APLF: variants seen among roughly 807,000 people sequenced by gnomAD.
APLF encodes aprataxin and PNK-like factor.
In APLF, 61 loss-of-function variants were observed where a neutral mutation model predicts 55.6. That is an observed-to-expected ratio of 1.10 (90% confidence interval 0.89 to 1.36). The LOEUF is 1.36. APLF is among the 40% of genes most tolerant of loss of function. The pLI is 0.00. For missense variants in APLF, 611 were observed against 602.5 expected (o/e 1.01, Z -0.15); for synonymous variants, 207 against 214.8 (o/e 0.96, Z 0.32).
chr2:68,566,110 A>C (rs1373426113), intron 8 of APLF, among the ~76,000 whole-genome samples: 2 of 152,084 alleles, frequency 1.3e-5, no homozygotes, highest in Non-Finnish European at 1.5e-5. Flanking sequence ...CCACTGCAGT[A>C]GATGTGGAAT....
chr2:68,538,259 A>T (rs369404978), intron 7 of APLF, 32 bp downstream of exon 7: 21 of 1,535,930 alleles, frequency 1.4e-5, no homozygotes, highest in Non-Finnish European at 1.7e-5. Flanking sequence ...ATTTAATTCC[A>T]TTATTTTGAT....
intron 1 of APLF, among the ~76,000 whole-genome samples, chr2:68,482,437 A>G (rs1309480805): frequency 6.6e-6 from 1 of 152,158 alleles, no homozygotes; most frequent in African/African-American, 2.4e-5. Context: ...TGACTTTGCC[A>G]GAGATGGGCT....
intron 5 of APLF, among the ~76,000 whole-genome samples, chr2:68,524,026 A>G (rs1178760037): frequency 6.6e-6 from 1 of 152,032 alleles, no homozygotes; most frequent in Non-Finnish European, 1.5e-5. Context: ...GTACATGTGT[A>G]TCACTTGGAA....
At chr2:68,563,072 C>T (rs1262631780) in intron 8 of APLF, 22 of 984,960 alleles carry the variant, frequency 2.2e-5, no homozygotes, top group Admixed American at 6.2e-5. Context: ...AAAGTTTTAT[C>T]GATATTATTT....
intron 8 of APLF, among the ~76,000 whole-genome samples, chr2:68,547,553 G>A (rs1328876553): frequency 6.6e-6 from 1 of 151,674 alleles, no homozygotes; most frequent in Non-Finnish European, 1.5e-5. Context: ...GCTTATATAT[G>A]TAAGGTGACA....
At chr2:68,528,350 T>C in intron 6 of APLF, 2 of 1,524,524 alleles carry the variant, frequency 1.3e-6, no homozygotes, top group East Asian at 4.9e-5. Flanking sequence ...GAGGCGTCCT[T>C]CTCTTTGGGA....
At chr2:68,507,858 A>T (rs1676913407) in intron 3 of APLF, among the ~76,000 whole-genome samples, 1 of 151,898 alleles carries the variant, frequency 6.6e-6, no homozygotes, top group Admixed American at 6.6e-5. Flanking sequence ...AAAGTAAAGT[A>T]AATCCTTTGT....
At chr2:68,500,877 C>T (rs1466286649) in intron 2 of APLF, among the ~76,000 whole-genome samples, 1 of 152,176 alleles carries the variant, frequency 6.6e-6, no homozygotes, top group Non-Finnish European at 1.5e-5. Context: ...TTGTTGCACT[C>T]AAAAGCTCAA....
intron 3 of APLF, among the ~76,000 whole-genome samples, chr2:68,511,344 A>G (rs1558536491): frequency 6.6e-6 from 1 of 151,776 alleles, no homozygotes; most frequent in South Asian, 2.1e-4. Context: ...AAATAAAAAT[A>G]TATATCACAG....
At position 68,563,316 on chromosome 2, in the gene APLF, G is replaced by C. The variant is rs539072327; in HGVS notation, c.1287-4025G>C. 57 of 983,718 alleles carry C rather than the reference G, an allele frequency of 5.8e-5. No individual in the cohort carries two copies. The African/African-American group carries it at 9.6e-4, about 17-fold the overall frequency. The allele number at this position is 983,718 out of a possible 1,614,324, so 60.9% of individuals were successfully genotyped here. On this transcript the variant is annotated intron_variant, in intron 8 of 9. Transcript: ENST00000303795. The stretch of plus-strand genomic sequence containing the variant: ...TATAAAATTTCACATTACATTTTCT[G>C]CTCTTCCTTTTTGGAATAATTAAAT...
intron 6 of APLF, among the ~76,000 whole-genome samples, chr2:68,526,631 T>C (rs1314094144): frequency 6.6e-6 from 1 of 152,192 alleles, no homozygotes; most frequent in Non-Finnish European, 1.5e-5. Context: ...GAAGAACTGA[T>C]TGAAGAGTGG....
intron 3 of APLF, among the ~76,000 whole-genome samples, chr2:68,507,564 A>G (rs1219042396): frequency 6.6e-6 from 1 of 151,936 alleles, no homozygotes; most frequent in African/African-American, 2.4e-5. Context: ...TTGAGAAGTC[A>G]AAGAGAAAAC....
intron 6 of APLF, among the ~76,000 whole-genome samples, chr2:68,534,764 A>G (rs1011000213): frequency 2.1e-4 from 32 of 152,164 alleles, no homozygotes; most frequent in African/African-American, 7.7e-4. Flanking sequence ...GGAAATATAG[A>G]GCTCTCTGCC....
chr2:68,519,236 T>C (rs1238063217), intron 5 of APLF, among the ~76,000 whole-genome samples: 2 of 140,000 alleles, frequency 1.4e-5, no homozygotes, highest in Non-Finnish European at 3.1e-5. Context: ...CATAATATAT[T>C]ATATATTATA....
intron 7 of APLF, 131 bp from the exon 8 acceptor site, chr2:68,545,056 G>A: frequency 9.5e-7 from 1 of 1,055,058 alleles, no homozygotes; most frequent in East Asian, 2.5e-5. Context: ...CTGCGCTTAT[G>A]TCATCAATGT....
At chr2:68,561,519 G>A (rs1671166869) in intron 8 of APLF, among the ~76,000 whole-genome samples, 1 of 152,110 alleles carries the variant, frequency 6.6e-6, no homozygotes. Context: ...CTAGAGCTAA[G>A]TGTCTTACAA....
Position 68,579,520 on chromosome 2 carries a change from C to A in APLF, c.*1498C>A. ...CAATAGAAGCATTATTCTTAACAGC[C>A]AAAAAGTATAAACACCCAAAGTCTA... On this transcript the variant is annotated 3_prime_UTR_variant, in exon 10 of 10. Transcript: ENST00000303795. The A allele has an allele frequency of 1.8e-6, 1 of 570,906 alleles. No individual in the cohort carries two copies. Among genetic ancestry groups the A allele is most frequent in the Non-Finnish European group, 2.2e-6 (1 of 452,208 alleles). The allele number at this position is 570,906 out of a possible 1,614,324, so 35.4% of individuals were successfully genotyped here. A position where few individuals can be genotyped will look rare whatever the true frequency, so the allele number is the denominator to read the frequency against.
intron 7 of APLF, among the ~76,000 whole-genome samples, chr2:68,540,193 A>G (rs1453255461): frequency 6.6e-6 from 1 of 151,116 alleles, no homozygotes; most frequent in Non-Finnish European, 1.5e-5. Context: ...CCAGTATGTG[A>G]TGTTCCCCTC....
chr2:68,532,359 A>C (rs1330265629), intron 6 of APLF, among the ~76,000 whole-genome samples: 1 of 152,196 alleles, frequency 6.6e-6, no homozygotes, highest in Non-Finnish European at 1.5e-5. Flanking sequence ...GAAGGGACAA[A>C]AATCACTTAT....
Sources: allele counts gnomAD v4.1 joint callset (sites outside exome capture counted in the v4.1 genomes callset), GRCh38; gene constraint gnomAD v4.1.1; transcripts MANE v1.5; gene names NCBI Gene and HGNC (gene_info 2026-07-23, HGNC 2026-07-21).